BPTF: variants seen among roughly 807,000 people sequenced by gnomAD.
BPTF encodes the protein nucleosome-remodeling factor subunit BPTF.
Under a neutral mutation model 292.5 loss-of-function variants are expected in BPTF, and 18 were observed. The observed-to-expected ratio is 0.06, with a 90% CI of 0.04 to 0.09. The LOEUF (loss-of-function observed/expected upper bound fraction) is 0.09. Among genes scored for constraint, BPTF ranks in the 10% least tolerant of loss-of-function variants. BPTF has a pLI of 1.00. For missense variants in BPTF, 2,726 were observed against 3,498.7 expected (o/e 0.78, Z 5.57); for synonymous variants, 1,225 against 1,251.9 (o/e 0.98, Z 0.45).
intron 23 of BPTF, among the ~76,000 whole-genome samples, chr17:67,949,346 G>A (rs1222221602): frequency 1.3e-5 from 2 of 151,886 alleles, no homozygotes; most frequent in African/African-American, 4.8e-5. Flanking sequence ...GGAAGCCGAG[G>A]CGGGTGGATC....
intron 4 of BPTF, among the ~76,000 whole-genome samples, chr17:67,888,315 T>G (rs188884988): frequency 9.2e-5 from 14 of 152,150 alleles, no homozygotes; most frequent in Admixed American, 2.6e-4. Flanking sequence ...TGGGCCGGGC[T>G]CGGTGGCTCA....
chr17:67,923,847 TTTTTA>T (rs1257840023), intron 14 of BPTF, among the ~76,000 whole-genome samples: 1 of 151,754 alleles, frequency 6.6e-6, no homozygotes, highest in Non-Finnish European at 1.5e-5. Context: ...TTATCTTTAT[TTTTTA>T]TTTTATTTTA....
chr17:67,937,337 AT>A (rs2064994131), intron 18 of BPTF, among the ~76,000 whole-genome samples: 3 of 151,720 alleles, frequency 2.0e-5, no homozygotes, highest in Non-Finnish European at 4.4e-5. Context: ...GGTGCCTGTA[AT>A]CCCAGCTACT....
At chr17:67,951,145 C>T (rs556551008) in intron 23 of BPTF, 7 of 152,084 alleles carry the variant, frequency 4.6e-5, no homozygotes, top group Non-Finnish European at 1.0e-4. Context: ...ATTACATAGT[C>T]ATTAATGATT....
chr17:67,950,700 CATG>C (rs1228221522), intron 23 of BPTF, among the ~76,000 whole-genome samples: 1 of 151,778 alleles, frequency 6.6e-6, no homozygotes, highest in Non-Finnish European at 1.5e-5. Context: ...ATTAGTCAGG[CATG>C]GTGGTGGGTG....
chr17:67,972,227 C>A (rs990210188), intron 26 of BPTF, among the ~76,000 whole-genome samples: 18 of 151,818 alleles, frequency 1.2e-4, no homozygotes, highest in African/African-American at 4.4e-4. Flanking sequence ...TATTTAAGGG[C>A]TTTTATTTTA....
At position 67,857,138 on chromosome 17, in the gene BPTF, G is replaced by A. The variant is rs148161698; in HGVS notation, c.1436+2376G>A. On this transcript the variant is annotated intron_variant, in intron 2 of 27. Transcript: ENST00000306378. The stretch of plus-strand genomic sequence containing the variant: ...TCCCCTACTTTATCCTTATGAGTTC[G>A]TCTTTAACAATTTTTTTTTTTTTTT... Among the ~76,000 whole-genome samples the A allele has an allele frequency of 9.9e-3, 1,419 of 143,538 alleles. 14 individuals carry two copies. The highest frequency in any genetic ancestry group is 0.023 in the South Asian group (104 of 4,506). 94.2% of individuals were successfully genotyped at this position (143,538 alleles called of 152,430 possible). A position where few individuals can be genotyped will look rare whatever the true frequency, so the allele number is the denominator to read the frequency against.
chr17:67,964,493 G>C (rs1218535712), intron 25 of BPTF, 89 bp downstream of exon 25: 15 of 1,415,416 alleles, frequency 1.1e-5, no homozygotes, highest in Non-Finnish European at 1.4e-5. Flanking sequence ...TCCAATCTTA[G>C]AATGATTATT....
chr17:67,883,364 T>TA (rs1273731080), intron 4 of BPTF, among the ~76,000 whole-genome samples: 1 of 152,204 alleles, frequency 6.6e-6, no homozygotes, highest in African/African-American at 2.4e-5. Flanking sequence ...CACAACTTGA[T>TA]ACACAGTTCA....
intron 23 of BPTF, 117 bp from the exon 24 acceptor site, chr17:67,959,424 C>T (rs1295049382): frequency 7.9e-6 from 6 of 757,080 alleles, no homozygotes; most frequent in Middle Eastern, 2.7e-4. Flanking sequence ...AAAACTCTCA[C>T]GTTAGGCTGA....
chr17:67,953,504 C>A (rs1460016821), intron 23 of BPTF, among the ~76,000 whole-genome samples: 1 of 151,886 alleles, frequency 6.6e-6, no homozygotes, highest in Admixed American at 6.6e-5. Flanking sequence ...GTGATCCACC[C>A]ACTGCAGCCT....
chr17:67,832,744 G>T (rs1598102380), intron 1 of BPTF, among the ~76,000 whole-genome samples: 1 of 149,762 alleles, frequency 6.7e-6, no homozygotes, highest in East Asian at 1.9e-4. Flanking sequence ...CTCATCCCTG[G>T]CAGCCACTAA....
rs1055623449 is a variant in BPTF, at chr17:67,825,869, G to C, written c.145G>C (p.Gly49Arg). 9.9e-7 allele frequency: 1 copy of C among 1,014,144 alleles called. No homozygotes were observed. Among genetic ancestry groups the C allele is most frequent in the Non-Finnish European group, 1.2e-6 (1 of 850,616 alleles). The allele number at this position is 1,014,144 out of a possible 1,614,324, so 62.8% of individuals were successfully genotyped here. The change falls in exon 1 of 28, where the codon GGC (glycine) becomes CGC (arginine). Residue 49 changes from glycine (G) to arginine (R), a missense_variant. Coordinates refer to ENST00000306378, the MANE Select transcript of BPTF (RefSeq NM_182641.4). ...LRSRHRGSSR[G>R]RWAAAQAEVA... ...CTCGCGGCACCGCGGCAGCAGCCGG[G>C]GCAGGTGGGCCGCCGCCCAGGCTGA...
intron 18 of BPTF, among the ~76,000 whole-genome samples, chr17:67,940,050 T>C (rs2065242172): frequency 6.9e-6 from 1 of 143,938 alleles, no homozygotes; most frequent in South Asian, 2.2e-4. Flanking sequence ...AAAATTCATA[T>C]GAATTAATTT....
chr17:67,882,627 C>T lies in BPTF; in HGVS notation c.1864+7607C>T, dbSNP rs552094500. ...CACTAAGACTACTGAATGGCATTTA[C>T]GACTTTTTGCTGCTCTTTATTTCTC... On this transcript the variant is annotated intron_variant, in intron 4 of 27. Coordinates refer to ENST00000306378, the MANE Select transcript of BPTF (RefSeq NM_182641.4). 6.6e-5 allele frequency among the ~76,000 whole-genome samples: 10 copies of T among 152,294 alleles called. No homozygotes were observed. The East Asian group carries it at 1.2e-3, about 18-fold the overall frequency.
At chr17:67,863,519 T>G (rs2059208998) in intron 2 of BPTF, among the ~76,000 whole-genome samples, 3 of 152,078 alleles carry the variant, frequency 2.0e-5, no homozygotes, top group Admixed American at 2.0e-4. Flanking sequence ...CTCCTGACCT[T>G]GTGATCTGCC....
intron 4 of BPTF, among the ~76,000 whole-genome samples, chr17:67,881,296 T>A: frequency 6.6e-6 from 1 of 152,084 alleles, no homozygotes. Context: ...TAATACCTAT[T>A]CAGTTTCAAC....
At chr17:67,966,495 A>C in intron 25 of BPTF, 77 bp from the exon 26 acceptor site, 2 of 1,297,730 alleles carry the variant, frequency 1.5e-6, no homozygotes, top group South Asian at 2.5e-5. Context: ...GGGTTCATTG[A>C]TGTAGTAACT....
intron 24 of BPTF, 128 bp downstream of exon 24, chr17:67,960,003 C>T (rs2067321497): frequency 1.3e-6 from 1 of 764,576 alleles, no homozygotes; most frequent in South Asian, 2.2e-5. Context: ...AATGTTTCAT[C>T]CATGGTCTTG....
Sources: allele counts gnomAD v4.1 joint callset (sites outside exome capture counted in the v4.1 genomes callset), GRCh38; gene constraint gnomAD v4.1.1; transcripts MANE v1.5; gene names NCBI Gene and HGNC (gene_info 2026-07-23, HGNC 2026-07-21).